The following TBC1D23 variants were observed in gnomAD, a reference collection of about 807,000 sequenced individuals.
TBC1D23 encodes the protein TBC1 domain family member 23.
TBC1D23 carries 55 observed loss-of-function variants against 91.4 expected under a neutral mutation model. The observed-to-expected ratio is 0.60, with a 90% CI of 0.48 to 0.75. The LOEUF (loss-of-function observed/expected upper bound fraction) is 0.75. Ranked by LOEUF, TBC1D23 falls within the 30% of genes least tolerant of loss-of-function variation. The pLI, the probability that TBC1D23 is intolerant of heterozygous loss-of-function variation, is 0.00. For synonymous variants in TBC1D23, 289 were observed against 281.0 expected (o/e 1.03, Z -0.28); for missense variants, 725 against 836.1 (o/e 0.87, Z 1.64).
At chr3:100,287,505 A>G (rs150613358) in intron 4 of TBC1D23, among the ~76,000 whole-genome samples, 68 of 152,318 alleles carry the variant, frequency 4.5e-4, no homozygotes, top group African/African-American at 1.6e-3. Flanking sequence ...TCTATAGTGT[A>G]TGCCTCTACT....
chr3:100,315,630 G>A (rs1705730039), intron 15 of TBC1D23, among the ~76,000 whole-genome samples: 1 of 152,188 alleles, frequency 6.6e-6, no homozygotes, highest in Admixed American at 6.5e-5. Flanking sequence ...TTTGGTGTTA[G>A]TAACTTATTT....
chr3:100,292,868 AG>A (rs1391736736), intron 5 of TBC1D23, among the ~76,000 whole-genome samples: 1 of 151,642 alleles, frequency 6.6e-6, no homozygotes, highest in Admixed American at 6.6e-5. Context: ...CCCAAAGTGC[AG>A]GGATTACAGG....
chr3:100,272,144 T>C (rs2067605010), intron 1 of TBC1D23, among the ~76,000 whole-genome samples: 2 of 152,240 alleles, frequency 1.3e-5, no homozygotes, highest in African/African-American at 2.4e-5. Flanking sequence ...AAGTTTATCA[T>C]ACTGTAAACC....
At chr3:100,268,561 T>C (rs1221810015) in intron 1 of TBC1D23, among the ~76,000 whole-genome samples, 2 of 152,226 alleles carry the variant, frequency 1.3e-5, no homozygotes, top group Non-Finnish European at 2.9e-5. Flanking sequence ...ACAAGGAATG[T>C]TGGTAATGTT....
intron 15 of TBC1D23, among the ~76,000 whole-genome samples, chr3:100,315,625 T>C (rs927138682): frequency 1.1e-4 from 17 of 152,214 alleles, no homozygotes; most frequent in African/African-American, 3.1e-4. Context: ...GAATATTTGG[T>C]GTTAGTAACT....
intron 1 of TBC1D23, among the ~76,000 whole-genome samples, chr3:100,265,718 C>G (rs1331292664): frequency 6.6e-6 from 1 of 152,094 alleles, no homozygotes. Context: ...AAAAATGTTA[C>G]TTAATATTCA....
chr3:100,272,868 A>T (rs1256529396), intron 1 of TBC1D23, among the ~76,000 whole-genome samples: 1 of 152,218 alleles, frequency 6.6e-6, no homozygotes, highest in Non-Finnish European at 1.5e-5. Flanking sequence ...CACATGTCCC[A>T]CCTCCAGCCC....
intron 16 of TBC1D23, among the ~76,000 whole-genome samples, chr3:100,317,354 C>T (rs1200110132): frequency 6.6e-6 from 1 of 152,138 alleles, no homozygotes; most frequent in African/African-American, 2.4e-5. Context: ...TCCTCATTCT[C>T]CTTCTATCAT....
At chr3:100,262,673 C>T (rs1321431996) in intron 1 of TBC1D23, among the ~76,000 whole-genome samples, 3 of 119,846 alleles carry the variant, frequency 2.5e-5, no homozygotes, top group African/African-American at 9.5e-5. Flanking sequence ...TGCAGTGAGC[C>T]GAGATCGAGC....
intron 18 of TBC1D23, among the ~76,000 whole-genome samples, chr3:100,322,004 ATG>A (rs1705866430): frequency 6.6e-6 from 1 of 152,054 alleles, no homozygotes; most frequent in South Asian, 2.1e-4. Context: ...AACTAGATAA[ATG>A]TGATATAGGC....
chr3:100,316,164 G>T lies in TBC1D23; in HGVS notation c.1664G>T (p.Gly555Val). 3 of 1,613,908 alleles carry T rather than the reference G, an allele frequency of 1.9e-6. No individual in the cohort carries two copies. Among genetic ancestry groups the T allele is most frequent in the Non-Finnish European group, 2.5e-6 (3 of 1,179,822 alleles). ...GGCGTAAAGCCTGTTTTCAGCATTG[G>T]GGATGAAGAAGAATACGACACAGGT... ...YRGVKPVFSI[G>V]DEEEYDTDEI... is the part of the protein sequence containing the mutation. Residue 555 changes from glycine (G) to valine (V), a missense_variant, in exon 16 of 19, where the codon GGG becomes GTG. Coordinates refer to ENST00000394144, the MANE Select transcript of TBC1D23 (RefSeq NM_001199198.3).
intron 1 of TBC1D23, among the ~76,000 whole-genome samples, chr3:100,262,734 A>AAAAC (rs1688140876): frequency 6.6e-6 from 1 of 151,316 alleles, no homozygotes; most frequent in African/African-American, 2.4e-5. Context: ...AAAAAAAAAA[A>AAAAC]AAAAAAAAAA....
intron 1 of TBC1D23, among the ~76,000 whole-genome samples, chr3:100,267,821 A>G (rs1559798911): frequency 6.6e-6 from 1 of 152,182 alleles, no homozygotes; most frequent in African/African-American, 2.4e-5. Flanking sequence ...CTTTATATAT[A>G]ATGCTTATAT....
rs984785682 is a variant in TBC1D23, at chr3:100,308,272, A to G, written c.1413+1729A>G. Among the ~76,000 whole-genome samples, 38 of 152,174 alleles carry G rather than the reference A, an allele frequency of 2.5e-4. No individual in the cohort carries two copies. The East Asian group carries it at 3.7e-3, about 15-fold the overall frequency. ...GGGCAGATCACGAGGTCAGGAGATC[A>G]AGACCATCCTGGATAACACGGTGAA... is the stretch of plus-strand genomic sequence containing the variant. On this transcript the variant is annotated intron_variant, in intron 13 of 18. Coordinates refer to ENST00000394144, the MANE Select transcript of TBC1D23 (RefSeq NM_001199198.3).
At chr3:100,272,340 A>G (rs1213270403) in intron 1 of TBC1D23, among the ~76,000 whole-genome samples, 1 of 152,244 alleles carries the variant, frequency 6.6e-6, no homozygotes, top group African/African-American at 2.4e-5. Flanking sequence ...TAGAGAAGTA[A>G]TATGTTTGAG....
At chr3:100,273,369 A>G (rs1239732052) in intron 1 of TBC1D23, among the ~76,000 whole-genome samples, 1 of 152,212 alleles carries the variant, frequency 6.6e-6, no homozygotes, top group Non-Finnish European at 1.5e-5. Context: ...TTAGTACAGA[A>G]CAAAATGGAG....
chr3:100,315,448 C>T (rs1181596471), intron 15 of TBC1D23, among the ~76,000 whole-genome samples: 3 of 152,046 alleles, frequency 2.0e-5, no homozygotes. Flanking sequence ...AGGAGTGAGC[C>T]ACCGCGCCCG....
At chr3:100,296,360 G>C in intron 8 of TBC1D23, 85 bp downstream of exon 8, 1 of 797,962 alleles carries the variant, frequency 1.3e-6, no homozygotes, top group Middle Eastern at 3.1e-4. Flanking sequence ...AGTTAAAATA[G>C]GTTGTCAATT....
At chr3:100,308,337 T>C (rs1158134594) in intron 13 of TBC1D23, among the ~76,000 whole-genome samples, 2 of 151,778 alleles carry the variant, frequency 1.3e-5, no homozygotes, top group East Asian at 1.9e-4. Flanking sequence ...TAGCCGGGCG[T>C]GGTGGCAGGC....
Sources: allele counts gnomAD v4.1 joint callset (sites outside exome capture counted in the v4.1 genomes callset), GRCh38; gene constraint gnomAD v4.1.1; transcripts MANE v1.5; gene names NCBI Gene and HGNC (gene_info 2026-07-23, HGNC 2026-07-21).